DNAH5: variants seen among roughly 807,000 people sequenced by gnomAD.
The protein encoded by DNAH5 is axonemal beta dynein heavy chain 5.
Under a neutral mutation model 518.2 loss-of-function variants are expected in DNAH5, and 372 were observed. That is an observed-to-expected ratio of 0.72 (90% CI 0.66 to 0.78). The LOEUF (loss-of-function observed/expected upper bound fraction) is 0.78. Ranked by LOEUF, DNAH5 falls within the 30% of genes least tolerant of loss-of-function variation. The pLI, the probability that DNAH5 is intolerant of heterozygous loss-of-function variation, is 0.00. For missense variants in DNAH5, 5,523 were observed against 5,687.0 expected, an observed-to-expected ratio of 0.97 and a Z score of 0.93; for synonymous variants, 2,039 against 2,025.9, an observed-to-expected ratio of 1.01 and a Z score of -0.17.
intron 65 of DNAH5, among the ~76,000 whole-genome samples, chr5:13,747,938 C>T (rs891789192): frequency 3.3e-5 from 5 of 152,252 alleles, no homozygotes; most frequent in African/African-American, 1.2e-4. Flanking sequence ...GTGTTTTAGT[C>T]ATGAAGTCCT....
intron 17 of DNAH5, 78 bp downstream of exon 17, chr5:13,890,898 A>T: frequency 1.9e-6 from 3 of 1,544,984 alleles, no homozygotes; most frequent in Non-Finnish European, 2.7e-6. Context: ...AATCTAACTT[A>T]TAACTTCAAA....
In DNAH5 at chr5:13,751,129, C is replaced by T. The variant is rs1254070049; in HGVS notation, c.11160G>A (p.Met3720Ile). ...RTSIIDFTVT[M>I]KGLEDQLLGR... ...CCAGTAACTGATCTTCTAGACCTTT[C>T]ATGGTGACAGTGAAGTCAATGATGG... The change falls in exon 65 of 79, where the codon ATG (methionine) becomes ATA (isoleucine). Residue 3720 changes from methionine to isoleucine, a missense_variant. Coordinates refer to ENST00000265104, the MANE Select transcript of DNAH5 (RefSeq NM_001369.3). 2 of 1,614,012 alleles carry T rather than the reference C, an allele frequency of 1.2e-6. No individual in the cohort carries two copies. The highest frequency in any genetic ancestry group is 1.7e-6 in the Non-Finnish European group (2 of 1,179,924).
At chr5:13,730,902 G>A (rs1049133200) in intron 68 of DNAH5, among the ~76,000 whole-genome samples, 8 of 151,804 alleles carry the variant, frequency 5.3e-5, no homozygotes, top group African/African-American at 9.7e-5. Context: ...GTTTCTCCAC[G>A]TTTGTCAGGC....
chr5:13,945,137 CA>C (rs923522998), upstream of DNAH5, among the ~76,000 whole-genome samples: 1 of 152,228 alleles, frequency 6.6e-6, no homozygotes, highest in Non-Finnish European at 1.5e-5. Flanking sequence ...CACAGTTGCA[CA>C]TACACTTCAG....
At chr5:14,004,897 T>C (rs1784613696) in intron 1 of DNAH5, among the ~76,000 whole-genome samples, 1 of 152,210 alleles carries the variant, frequency 6.6e-6, no homozygotes, top group Non-Finnish European at 1.5e-5. Context: ...CTTAGATTTC[T>C]GCGATCACCT....
chr5:13,777,268 G>A lies in DNAH5; in HGVS notation c.9039C>T (p.Phe3013=). The change falls in exon 54 of 79, where the codon TTC becomes TTT. Residue 3013 remains phenylalanine (F), a synonymous_variant. Coordinates refer to ENST00000265104, the MANE Select transcript of DNAH5 (RefSeq NM_001369.3). ...ACTCATCTTTAATCTCATTGTCTGT[G>A]AAAATAAAAGTGATTCCTTTGCCTT... ...GQQGKGITFI[F]TDNEIKDESF... 6.2e-7 allele frequency: 1 copy of A among 1,613,138 alleles called. No homozygotes were observed. Among genetic ancestry groups the A allele is most frequent in the Non-Finnish European group, 8.5e-7 (1 of 1,179,412 alleles).
At chr5:13,776,329 T>C in intron 55 of DNAH5, 110 bp downstream of exon 55, 1 of 1,428,898 alleles carries the variant, frequency 7.0e-7, no homozygotes, top group Non-Finnish European at 9.9e-7. Context: ...TCCCATGACA[T>C]CCTGGAGCCT....
chr5:14,003,948 C>T (rs961021941), intron 1 of DNAH5, among the ~76,000 whole-genome samples: 1 of 152,180 alleles, frequency 6.6e-6, no homozygotes, highest in African/African-American at 2.4e-5. Flanking sequence ...AGGAGAGACC[C>T]CCATGCCAGA....
intron 65 of DNAH5, among the ~76,000 whole-genome samples, chr5:13,739,055 G>A (rs1222969603): frequency 6.6e-6 from 1 of 152,074 alleles, no homozygotes; most frequent in African/African-American, 2.4e-5. Flanking sequence ...GATTTTGACA[G>A]TGCGTTTGAC....
Position 14,008,986 on chromosome 5 carries a change from C to T in DNAH5, c.12+2662G>A, listed in dbSNP as rs866661978. The stretch of plus-strand genomic sequence containing the variant: ...CAGGACAAACTGATCCATGTCCTGT[C>T]TCGAAGCTGGTTTCCTGGCAGGACT... On this transcript the variant is annotated intron_variant, in intron 1 of 78. Transcript: ENST00000681290. Among the ~76,000 whole-genome samples the T allele has an allele frequency of 6.6e-5, 10 of 152,354 alleles. 1 individual carries two copies. The highest frequency in any genetic ancestry group is 6.8e-3 in the Middle Eastern group (2 of 294).
At chr5:13,913,982 C>A in intron 10 of DNAH5, 24 bp from the exon 11 acceptor site, 1 of 1,608,784 alleles carries the variant, frequency 6.2e-7, no homozygotes, top group Non-Finnish European at 8.5e-7. Context: ...GAAAAATATA[C>A]AACAAAGGGA....
chr5:13,859,426 T>C lies in DNAH5; in HGVS notation c.4950+26A>G, dbSNP rs116560336. 1,262 of 1,613,776 alleles carry C rather than the reference T, an allele frequency of 7.8e-4. 10 individuals are homozygous for C. The African/African-American group carries it at 0.011, about 14-fold the overall frequency. ...TGAGAGCTTTCTCTGAAAAATCTGA[T>C]GAAATCATAAAGAAGATTACAAAAC... On this transcript the variant is annotated intron_variant, in intron 30 of 78. Transcript: ENST00000265104.
intron 78 of DNAH5, among the ~76,000 whole-genome samples, chr5:13,694,501 T>C (rs951847897): frequency 1.3e-5 from 2 of 152,226 alleles, no homozygotes; most frequent in Admixed American, 6.5e-5. Flanking sequence ...TAAGTATGTT[T>C]AAAGCCTTAG....
intron 68 of DNAH5, among the ~76,000 whole-genome samples, chr5:13,734,627 G>A (rs1374926135): frequency 6.6e-6 from 1 of 151,568 alleles, no homozygotes; most frequent in Non-Finnish European, 1.5e-5. Context: ...TTCTGCTTCA[G>A]CCCTCTTCCC....
chr5:13,774,535 C>T (rs1400264634), intron 55 of DNAH5, among the ~76,000 whole-genome samples: 1 of 152,154 alleles, frequency 6.6e-6, no homozygotes, highest in Non-Finnish European at 1.5e-5. Context: ...TGGGGAGAGA[C>T]TCTGGAGTAC....
rs1381632664 is a variant in DNAH5, at chr5:13,967,762, T to G, written c.13-36518A>C. The stretch of plus-strand genomic sequence containing the variant: ...GGTGGTATTTTGATGGGAATTGCAT[T>G]GAATTTGTAGATTGCTTTTGGCCAC... On this transcript the variant is annotated intron_variant, in intron 1 of 78. Transcript: ENST00000681290. Among the ~76,000 whole-genome samples, 4 of 148,498 alleles carry G rather than the reference T, an allele frequency of 2.7e-5. No individual in the cohort carries two copies. In the Admixed American group the frequency reaches 2.7e-4, roughly 10 times the overall value.
chr5:13,988,725 A>ATTTTTTTTTTTTTT (rs1561050509), intron 1 of DNAH5, among the ~76,000 whole-genome samples: 2 of 90,382 alleles, frequency 2.2e-5, no homozygotes, highest in South Asian at 3.7e-4. Flanking sequence ...CCCAGCCCAA[A>ATTTTTTTTTTTTTT]TCTTTTTTTT....
intron 61 of DNAH5, among the ~76,000 whole-genome samples, chr5:13,756,812 G>T (rs1751052168): frequency 6.6e-6 from 1 of 152,106 alleles, no homozygotes; most frequent in Non-Finnish European, 1.5e-5. Flanking sequence ...CAGGTATTAA[G>T]CCTAGTACTT....
chr5:13,876,638 C>G, intron 22 of DNAH5, 46 bp downstream of exon 22: 1 of 1,604,462 alleles, frequency 6.2e-7, no homozygotes, highest in Non-Finnish European at 8.5e-7. Flanking sequence ...CACACAAGTG[C>G]ATGTTGCAAA....
Sources: allele counts gnomAD v4.1 joint callset (sites outside exome capture counted in the v4.1 genomes callset), GRCh38; gene constraint gnomAD v4.1.1; transcripts MANE v1.5; gene names NCBI Gene and HGNC (gene_info 2026-07-23, HGNC 2026-07-21).